The following PTPRD variants were observed in gnomAD, a reference collection of about 807,000 sequenced individuals.
PTPRD encodes protein tyrosine phosphatase receptor type D.
In PTPRD, 34 loss-of-function variants were observed where a neutral mutation model predicts 214.5. That is an observed-to-expected ratio of 0.16 (90% CI 0.12 to 0.21). The LOEUF is 0.21. PTPRD is among the 10% of genes least tolerant of loss of function. PTPRD has a pLI of 1.00. For synonymous variants in PTPRD, 1,128 were observed against 845.7 expected (o/e 1.33, Z -5.79); for missense variants, 2,545 against 2,398.7 (o/e 1.06, Z -1.27).
chr9:9,546,757 A>T (rs1431350985), intron 8 of PTPRD, among the ~76,000 whole-genome samples: 1 of 151,850 alleles, frequency 6.6e-6, no homozygotes, highest in African/African-American at 2.4e-5. Context: ...GCTGTGCTTT[A>T]TATGCATTAT....
chr9:9,648,495 G>A (rs923126404), intron 7 of PTPRD, among the ~76,000 whole-genome samples: 1 of 152,168 alleles, frequency 6.6e-6, no homozygotes, highest in Non-Finnish European at 1.5e-5. Context: ...TGACCTGATG[G>A]TAATTTTCAC....
At chr9:10,526,588 T>A (rs952856574) in intron 2 of PTPRD, among the ~76,000 whole-genome samples, 2 of 152,076 alleles carry the variant, frequency 1.3e-5, no homozygotes, top group Non-Finnish European at 2.9e-5. Context: ...TTATAACCAA[T>A]CTCTTCATTC....
intron 9 of PTPRD, among the ~76,000 whole-genome samples, chr9:9,375,401 G>A (rs1275829602): frequency 6.6e-6 from 1 of 152,086 alleles, no homozygotes; most frequent in Non-Finnish European, 1.5e-5. Context: ...TTCAAAACCA[G>A]CCTGACCAAC....
chr9:9,420,749 A>G (rs576094655), intron 8 of PTPRD, among the ~76,000 whole-genome samples: 23 of 152,072 alleles, frequency 1.5e-4, no homozygotes, highest in African/African-American at 5.3e-4. Flanking sequence ...GTAGCTCAAT[A>G]TTTATGACAT....
rs1231119220 is a variant in PTPRD at position 9,962,995 on chromosome 9, TTA to T, written c.-471-24387_-471-24386del. 2.6e-5 allele frequency among the ~76,000 whole-genome samples: 4 copies of T among 152,016 alleles called. No individual in the cohort carries two copies. The East Asian group carries it at 7.7e-4, about 29-fold the overall frequency. Reference sequence around the variant, plus strand: ...ATAGTAGTACCATTATAGTAGTACTTTATATAGTTACACTATATAAAGTAAAA... The same window carrying T: ...ATAGTAGTACCATTATAGTAGTACTTTATAGTTACACTATATAAAGTAAAA... On this transcript the variant is annotated intron_variant, in intron 4 of 45. Coordinates refer to ENST00000381196, the MANE Select transcript of PTPRD (RefSeq NM_002839.4).
chr9:10,472,484 T>C (rs186330652), intron 2 of PTPRD, among the ~76,000 whole-genome samples: 208 of 152,200 alleles, frequency 1.4e-3, no homozygotes, highest in Non-Finnish European at 2.4e-3. Context: ...TTGAGGCAGG[T>C]TGGAGTAGTT....
chr9:8,981,842 C>A (rs1276054880), intron 11 of PTPRD, among the ~76,000 whole-genome samples: 1 of 151,948 alleles, frequency 6.6e-6, no homozygotes, highest in African/African-American at 2.4e-5. Flanking sequence ...AAATAAAATT[C>A]TCTTGCTAGA....
intron 11 of PTPRD, among the ~76,000 whole-genome samples, chr9:8,856,083 T>A (rs533358200): frequency 6.6e-6 from 1 of 152,334 alleles, no homozygotes; most frequent in South Asian, 2.1e-4. Flanking sequence ...ACACGGAACA[T>A]TGAAAATGTG....
intron 7 of PTPRD, among the ~76,000 whole-genome samples, chr9:9,621,832 G>C (rs1216005670): frequency 6.6e-6 from 1 of 152,164 alleles, no homozygotes; most frequent in Non-Finnish European, 1.5e-5. Flanking sequence ...GGAGTGTGCT[G>C]CCTGTGGTGT....
chr9:8,693,654 C>G lies in PTPRD; in HGVS notation c.64+40126G>C, dbSNP rs564228122. On this transcript the variant is annotated intron_variant, in intron 12 of 45. Transcript: ENST00000381196. ...AGTCTGAGAAATCGCTCTCTGGTTACGAGGAAATGTAGCGTGTTAATCAAG... is the reference window on the plus strand; with the variant it reads ...AGTCTGAGAAATCGCTCTCTGGTTAGGAGGAAATGTAGCGTGTTAATCAAG... 5.3e-5 allele frequency among the ~76,000 whole-genome samples: 8 copies of G among 152,152 alleles called. No homozygotes were observed. In the East Asian group the frequency reaches 5.8e-4, roughly 11 times the overall value.
intron 11 of PTPRD, among the ~76,000 whole-genome samples, chr9:8,752,351 C>T (rs937904033): frequency 1.3e-5 from 2 of 152,116 alleles, no homozygotes; most frequent in South Asian, 2.1e-4. Flanking sequence ...TGGCAGTTTA[C>T]AGATGCCATG....
At chr9:8,710,056 C>T (rs1274040615) in intron 12 of PTPRD, among the ~76,000 whole-genome samples, 5 of 152,182 alleles carry the variant, frequency 3.3e-5, no homozygotes, top group African/African-American at 1.2e-4. Flanking sequence ...AATAAGGGTT[C>T]TTAAAACACA....
intron 10 of PTPRD, among the ~76,000 whole-genome samples, chr9:9,170,559 G>C (rs537796844): frequency 6.6e-6 from 1 of 152,266 alleles, no homozygotes; most frequent in South Asian, 2.1e-4. Flanking sequence ...TCTTCTTCCA[G>C]TTGTGAATTA....
At chr9:8,752,375 G>T (rs2093619695) in intron 11 of PTPRD, among the ~76,000 whole-genome samples, 2 of 152,106 alleles carry the variant, frequency 1.3e-5, no homozygotes, top group South Asian at 4.1e-4. Context: ...ACATCAGGAA[G>T]TTACCCTACA....
intron 3 of PTPRD, among the ~76,000 whole-genome samples, chr9:10,223,986 C>G (rs2099580355): frequency 6.6e-6 from 1 of 151,500 alleles, no homozygotes; most frequent in Admixed American, 6.6e-5. Context: ...TATAATATAG[C>G]ATATGATTAC....
At chr9:9,319,841 CAATTT>C (rs1965515848) in intron 9 of PTPRD, among the ~76,000 whole-genome samples, 1 of 152,102 alleles carries the variant, frequency 6.6e-6, no homozygotes, top group Admixed American at 6.5e-5. Context: ...GAATAATTTA[CAATTT>C]AATTTAGCCA....
At chr9:8,740,999 C>T (rs1190106228) in intron 11 of PTPRD, among the ~76,000 whole-genome samples, 2 of 152,046 alleles carry the variant, frequency 1.3e-5, no homozygotes, top group African/African-American at 4.8e-5. Flanking sequence ...AAGTCAATAG[C>T]TATTATTCTG....
chr9:9,874,471 G>T (rs549910899), intron 5 of PTPRD, among the ~76,000 whole-genome samples: 1 of 152,200 alleles, frequency 6.6e-6, no homozygotes, highest in East Asian at 1.9e-4. Flanking sequence ...GTGGAAACAG[G>T]AAGTTAAATG....
intron 36 of PTPRD, among the ~76,000 whole-genome samples, chr9:8,394,756 G>A (rs1309865006): frequency 6.6e-6 from 1 of 152,140 alleles, no homozygotes; most frequent in East Asian, 1.9e-4. Context: ...AACGCACTCT[G>A]ATGCTCTTTC....
Sources: gnomAD v4.1 joint callset for allele counts (sites outside exome capture counted in the v4.1 genomes callset) on GRCh38, gnomAD v4.1.1 for gene constraint, MANE v1.5 for transcripts, NCBI Gene and HGNC (gene_info 2026-07-23, HGNC 2026-07-21) for gene names.